Variants in PTPRT observed in about 807,000 individuals in gnomAD.
The protein encoded by PTPRT is receptor-type tyrosine-protein phosphatase T.
A neutral mutation model predicts 176.8 loss-of-function variants in PTPRT; 56 were observed. The ratio of observed to expected loss-of-function variants is 0.32; its 90% confidence interval spans 0.26 to 0.40. PTPRT has a LOEUF of 0.40. Ranked by LOEUF, PTPRT falls within the 10% of genes least tolerant of loss-of-function variation. The pLI is 1.00. For missense variants in PTPRT, 1,540 were observed against 1,908.2 expected (o/e 0.81, Z 3.60); for synonymous variants, 783 against 739.0 (o/e 1.06, Z -0.96).
intron 1 of PTPRT, among the ~76,000 whole-genome samples, chr20:42,984,778 A>G (rs1983478145): frequency 6.6e-6 from 1 of 152,240 alleles, no homozygotes. Context: ...GTCTGACACC[A>G]AAGTCCATTC....
chr20:42,074,989 A>C lies in PTPRT; in HGVS notation c.*5890T>G, dbSNP rs550777199. ...AAATGTGTCAGAAGAAACTGGAGCT[A>C]GAACAGCTCCCCCCACACTCCACCA... On this transcript the variant is annotated 3_prime_UTR_variant, in exon 31 of 31. Transcript: ENST00000373187. The C allele has an allele frequency of 7.6e-6, 3 of 395,252 alleles. No individual in the cohort carries two copies. In the East Asian group the frequency reaches 1.1e-4, roughly 14 times the overall value. The allele number at this position is 395,252 out of a possible 1,614,324, so 24.5% of individuals were successfully genotyped here.
At position 42,820,541 on chromosome 20, in the gene PTPRT, T is replaced by C. The variant is rs529459940; in HGVS notation, c.215-29075A>G. 9.2e-5 allele frequency among the ~76,000 whole-genome samples: 14 copies of C among 151,940 alleles called. No homozygotes were observed. In the East Asian group the frequency reaches 2.5e-3, roughly 27 times the overall value. ...GGCAAGAGCAAACTAATCCAAAAGC[T>C]AGCAGAAGACAACAAATAACTAAGA... On this transcript the variant is annotated intron_variant, in intron 2 of 30. Transcript: ENST00000373187.
chr20:42,556,057 C>G (rs2072855827), intron 7 of PTPRT, among the ~76,000 whole-genome samples: 1 of 152,094 alleles, frequency 6.6e-6, no homozygotes, highest in South Asian at 2.1e-4. Flanking sequence ...AGTGATGTAA[C>G]TCTCTCAAGG....
chr20:43,178,885 G>A (rs2015183079), intron 1 of PTPRT, among the ~76,000 whole-genome samples: 1 of 152,214 alleles, frequency 6.6e-6, no homozygotes, highest in Non-Finnish European at 1.5e-5. Context: ...AACTCAAGGT[G>A]TCTTAGAGCA....
intron 5 of PTPRT, among the ~76,000 whole-genome samples, chr20:42,761,608 C>T (rs1245550754): frequency 1.3e-5 from 2 of 152,168 alleles, no homozygotes; most frequent in African/African-American, 4.8e-5. Flanking sequence ...ACTAGTAATT[C>T]CTATTTAATG....
chr20:42,496,500 T>C (rs907367951), intron 7 of PTPRT, among the ~76,000 whole-genome samples: 3 of 152,116 alleles, frequency 2.0e-5, no homozygotes, highest in African/African-American at 7.2e-5. Flanking sequence ...CTTCTATGTC[T>C]TTCCTCATCT....
At chr20:42,672,088 G>A (rs1444387672) in intron 7 of PTPRT, among the ~76,000 whole-genome samples, 3 of 152,324 alleles carry the variant, frequency 2.0e-5, no homozygotes, top group South Asian at 4.1e-4. Flanking sequence ...GGTTAATAAT[G>A]AGTGTCAACT....
intron 1 of PTPRT, among the ~76,000 whole-genome samples, chr20:42,976,719 T>C (rs1464611898): frequency 6.6e-6 from 1 of 152,218 alleles, no homozygotes. Context: ...TTTATTATTA[T>C]GGAATACTAT....
chr20:43,033,761 A>C (rs990635572), intron 1 of PTPRT, among the ~76,000 whole-genome samples: 4 of 152,170 alleles, frequency 2.6e-5, no homozygotes, highest in African/African-American at 4.8e-5. Flanking sequence ...GGCAGATGCT[A>C]AGGTCATCAG....
At chr20:42,504,907 TC>T (rs2071817176) in intron 7 of PTPRT, among the ~76,000 whole-genome samples, 1 of 152,170 alleles carries the variant, frequency 6.6e-6, no homozygotes, top group Admixed American at 6.5e-5. Context: ...GCTCTGCAGG[TC>T]AGTAGAAATA....
At chr20:42,611,834 C>T (rs1232270720) in intron 7 of PTPRT, among the ~76,000 whole-genome samples, 1 of 152,112 alleles carries the variant, frequency 6.6e-6, no homozygotes, top group Non-Finnish European at 1.5e-5. Context: ...CAGATCCAGC[C>T]CCACTAGGCT....
chr20:42,156,728 A>T (rs1989371612), intron 17 of PTPRT, among the ~76,000 whole-genome samples: 4 of 152,214 alleles, frequency 2.6e-5, no homozygotes, highest in Non-Finnish European at 5.9e-5. Flanking sequence ...TGTAACATAC[A>T]CCATGTGTTA....
chr20:43,003,479 G>C (rs6103124), intron 1 of PTPRT, among the ~76,000 whole-genome samples: 1 of 152,190 alleles, frequency 6.6e-6, no homozygotes, highest in Non-Finnish European at 1.5e-5. Flanking sequence ...TCGGATTATA[G>C]GCTTGAGAAA....
intron 13 of PTPRT, among the ~76,000 whole-genome samples, chr20:42,264,009 C>T (rs1361111991): frequency 6.6e-6 from 1 of 151,904 alleles, no homozygotes; most frequent in East Asian, 1.9e-4. Flanking sequence ...TTTCAGAGGC[C>T]GTATCTATCA....
intron 21 of PTPRT, among the ~76,000 whole-genome samples, chr20:42,118,098 C>T (rs572519081): frequency 6.6e-6 from 1 of 152,078 alleles, no homozygotes; most frequent in Admixed American, 6.5e-5. Context: ...AACAAGAGGA[C>T]AGTTGTAGAT....
chr20:42,579,868 A>ATGGTAG (rs2073338738), intron 7 of PTPRT, among the ~76,000 whole-genome samples: 2 of 152,220 alleles, frequency 1.3e-5, no homozygotes, highest in South Asian at 4.2e-4. Context: ...GTTCACTCTG[A>ATGGTAG]TGGTAGTTTC....
At chr20:42,657,023 A>C (rs2075136913) in intron 7 of PTPRT, among the ~76,000 whole-genome samples, 1 of 152,122 alleles carries the variant, frequency 6.6e-6, no homozygotes, top group Non-Finnish European at 1.5e-5. Context: ...GGGTGGGACC[A>C]GGTGGAGGTA....
intron 14 of PTPRT, among the ~76,000 whole-genome samples, chr20:42,246,412 C>T (rs2056451851): frequency 6.6e-6 from 1 of 152,262 alleles, no homozygotes; most frequent in Middle Eastern, 3.4e-3. Flanking sequence ...CTGATTAGCA[C>T]CCCACAACAT....
At chr20:42,168,972 A>G (rs147416262) in intron 16 of PTPRT, among the ~76,000 whole-genome samples, 45 of 152,304 alleles carry the variant, frequency 3.0e-4, no homozygotes, top group Non-Finnish European at 5.7e-4. Flanking sequence ...ATAGAATGCC[A>G]CTCCACTGTG....
Sources: gnomAD v4.1 joint callset for allele counts (sites outside exome capture counted in the v4.1 genomes callset) on GRCh38, gnomAD v4.1.1 for gene constraint, MANE v1.5 for transcripts, NCBI Gene and HGNC (gene_info 2026-07-23, HGNC 2026-07-21) for gene names.